Variants in RANBP2 observed in about 807,000 individuals in gnomAD.
The protein encoded by RANBP2 is RAN binding protein 2.
RANBP2 carries 57 observed loss-of-function variants against 303.6 expected under a neutral mutation model. That is an observed-to-expected ratio of 0.19 (90% CI 0.15 to 0.23). The LOEUF (loss-of-function observed/expected upper bound fraction) is 0.23. Among genes scored for constraint, RANBP2 ranks in the 10% least tolerant of loss-of-function variants. The pLI is 1.00. For missense variants in RANBP2, 3,138 were observed against 3,780.8 expected (o/e 0.83, Z 4.46); for synonymous variants, 1,167 against 1,301.5 (o/e 0.90, Z 2.23).
the RANBP2 span, among the ~76,000 whole-genome samples, chr2:109,263,095 C>G: frequency 2.6e-5 from 4 of 152,184 alleles, no homozygotes; most frequent in African/African-American, 9.7e-5. Flanking sequence ...ATTCACCCAC[C>G]TCGGCCTCCC....
the RANBP2 span, among the ~76,000 whole-genome samples, chr2:109,335,027 C>T: frequency 2.6e-5 from 4 of 152,254 alleles, no homozygotes; most frequent in Non-Finnish European, 5.9e-5. Flanking sequence ...TGGCGACTTA[C>T]ATGTGCTCCC....
At chr2:109,287,824 C>G in the RANBP2 span, among the ~76,000 whole-genome samples, 1 of 152,216 alleles carries the variant, frequency 6.6e-6, no homozygotes, top group East Asian at 1.9e-4. Flanking sequence ...GGGCGCTGCA[C>G]TCTCCTGTGT....
chr2:109,736,775 G>A, the RANBP2 span, among the ~76,000 whole-genome samples: 1 of 152,096 alleles, frequency 6.6e-6, no homozygotes, highest in African/African-American at 2.4e-5. Context: ...GAGCCCACTT[G>A]TATCCCTGAA....
the RANBP2 span, among the ~76,000 whole-genome samples, chr2:109,108,361 C>A: frequency 6.6e-6 from 1 of 152,304 alleles, no homozygotes; most frequent in African/African-American, 2.4e-5. Flanking sequence ...TAAAACTCTC[C>A]TTTTCTTATC....
chr2:108,964,738 A>G, the RANBP2 span, among the ~76,000 whole-genome samples: 2 of 152,212 alleles, frequency 1.3e-5, no homozygotes, highest in Non-Finnish European at 2.9e-5. Context: ...CGCCACACTC[A>G]GTGCTCACTA....
At chr2:109,620,781 C>A in the RANBP2 span, among the ~76,000 whole-genome samples, 2 of 152,154 alleles carry the variant, frequency 1.3e-5, no homozygotes, top group Non-Finnish European at 2.9e-5. Context: ...TCTAATTGGC[C>A]TTAAATAGTC....
chr2:109,670,397 G>C, the RANBP2 span, among the ~76,000 whole-genome samples: 1 of 151,772 alleles, frequency 6.6e-6, no homozygotes, highest in African/African-American at 2.4e-5. Flanking sequence ...ATACTATCTG[G>C]GGTTGCAGTA....
the RANBP2 span, among the ~76,000 whole-genome samples, chr2:109,592,673 G>A: frequency 1.3e-5 from 2 of 150,698 alleles, no homozygotes; most frequent in East Asian, 2.0e-4. Context: ...CCAGCTACTC[G>A]GGAGGCTGAG....
At chr2:109,403,077 C>T in the RANBP2 span, among the ~76,000 whole-genome samples, 1 of 152,172 alleles carries the variant, frequency 6.6e-6, no homozygotes, top group Non-Finnish European at 1.5e-5. Flanking sequence ...ACTGGTTTTG[C>T]TCTTTCTTTG....
At chr2:108,787,965 G>A (rs1679186963), downstream of RANBP2, 2 of 1,267,840 alleles carry the variant, frequency 1.6e-6, no homozygotes, top group South Asian at 1.4e-5. Context: ...ATAATTTGTG[G>A]GGAAATATTT....
chr2:109,170,548 G>A, the RANBP2 span, among the ~76,000 whole-genome samples: 1 of 151,982 alleles, frequency 6.6e-6, no homozygotes, highest in Non-Finnish European at 1.5e-5. Flanking sequence ...GTTTCACTAT[G>A]TTGGCCAGGA....
chr2:109,735,200 A>G, the RANBP2 span, among the ~76,000 whole-genome samples: 1 of 151,816 alleles, frequency 6.6e-6, no homozygotes, highest in Non-Finnish European at 1.5e-5. Context: ...CCACTATTCT[A>G]CTCTTTACTT....
chr2:108,742,255 C>G (rs1204464098), intron 7 of RANBP2, among the ~76,000 whole-genome samples: 1 of 152,084 alleles, frequency 6.6e-6, no homozygotes, highest in African/African-American at 2.4e-5. Flanking sequence ...CTCAGCCTCT[C>G]CAAGTGCTGG....
chr2:108,929,303 T>C, the RANBP2 span: 1 of 1,614,144 alleles, frequency 6.2e-7, no homozygotes, highest in Non-Finnish European at 8.5e-7. Context: ...GCATATCTGG[T>C]AGCCTCCTTT....
chr2:109,420,742 G>C, the RANBP2 span, among the ~76,000 whole-genome samples: 1 of 152,164 alleles, frequency 6.6e-6, no homozygotes, highest in African/African-American at 2.4e-5. Context: ...ACCGCGCCCG[G>C]CCAAACAGGA....
chr2:109,206,769 T>C, the RANBP2 span, among the ~76,000 whole-genome samples: 2 of 152,204 alleles, frequency 1.3e-5, no homozygotes, highest in Non-Finnish European at 2.9e-5. Context: ...TGAGCTATGA[T>C]TGTGCCACTG....
the RANBP2 span, among the ~76,000 whole-genome samples, chr2:109,541,501 G>A: frequency 1.1e-4 from 17 of 152,178 alleles, 1 homozygote; most frequent in East Asian, 3.3e-3. Context: ...AAACCCTGGA[G>A]AACACCTAAC....
chr2:109,355,220 T>C, the RANBP2 span, among the ~76,000 whole-genome samples: 2 of 152,162 alleles, frequency 1.3e-5, no homozygotes, highest in African/African-American at 4.8e-5. Flanking sequence ...GTAAACGAAA[T>C]TGAGCTTTGT....
chr2:108,727,592 G>C (rs1290549830), intron 1 of RANBP2, among the ~76,000 whole-genome samples: 3 of 147,658 alleles, frequency 2.0e-5, no homozygotes, highest in Admixed American at 2.0e-4. Flanking sequence ...ACATACTCTG[G>C]TTGTATCAGC....
Sources: gnomAD v4.1 joint callset for allele counts (sites outside exome capture counted in the v4.1 genomes callset) on GRCh38, gnomAD v4.1.1 for gene constraint, MANE v1.5 for transcripts, NCBI Gene and HGNC (gene_info 2026-07-23, HGNC 2026-07-21) for gene names.